DNM3: variants seen among roughly 807,000 people sequenced by gnomAD.
DNM3 encodes dynamin 3, also known as dynamin-3.
In DNM3, 47 loss-of-function variants were observed where a neutral mutation model predicts 101.6. The ratio of observed to expected loss-of-function variants is 0.46; its 90% CI spans 0.37 to 0.59. The LOEUF (loss-of-function observed/expected upper bound fraction) is 0.59. Ranked by LOEUF, DNM3 falls within the 20% of genes least tolerant of loss-of-function variation. The pLI is 0.00. For synonymous variants in DNM3, 385 were observed against 387.9 expected (o/e 0.99, Z 0.09); for missense variants, 849 against 1,085.7 (o/e 0.78, Z 3.06).
intron 1 of DNM3, among the ~76,000 whole-genome samples, chr1:171,856,783 G>T (rs1457938355): frequency 6.6e-6 from 1 of 152,128 alleles, no homozygotes; most frequent in Non-Finnish European, 1.5e-5. Flanking sequence ...GGGTTTTCTA[G>T]ATATCAAATC....
intron 11 of DNM3, 67 bp from the exon 12 acceptor site, chr1:172,081,765 T>C: frequency 1.6e-6 from 2 of 1,277,346 alleles, no homozygotes; most frequent in East Asian, 2.4e-5. Flanking sequence ...TTGTGGGCAA[T>C]TACTGAATTT....
intron 2 of DNM3, among the ~76,000 whole-genome samples, chr1:171,938,522 G>A (rs552150838): frequency 3.9e-4 from 59 of 152,304 alleles, no homozygotes; most frequent in African/African-American, 1.4e-3. Context: ...GGAGGAGTTG[G>A]ATAATGAGAA....
chr1:172,127,658 C>T (rs11589349), intron 13 of DNM3, among the ~76,000 whole-genome samples: 33,307 of 151,818 alleles, frequency 0.22, 4,505 homozygotes, highest in Non-Finnish European at 0.31. Flanking sequence ...ATACACCCAC[C>T]TCAGCCTCCC....
intron 14 of DNM3, among the ~76,000 whole-genome samples, chr1:172,217,393 G>T (rs1449423897): frequency 6.6e-6 from 1 of 152,134 alleles, no homozygotes; most frequent in Non-Finnish European, 1.5e-5. Context: ...CCAACCAATT[G>T]TGTTCAGTCC....
intron 17 of DNM3, among the ~76,000 whole-genome samples, chr1:172,367,011 C>T (rs1418144547): frequency 1.3e-5 from 2 of 151,476 alleles, no homozygotes; most frequent in Admixed American, 6.6e-5. Context: ...ACTCAAAACC[C>T]CAAATATATT....
At chr1:171,977,997 C>G (rs1392097670) in intron 2 of DNM3, among the ~76,000 whole-genome samples, 1 of 152,152 alleles carries the variant, frequency 6.6e-6, no homozygotes, top group Non-Finnish European at 1.5e-5. Flanking sequence ...TATTTATAAT[C>G]ATTTTTTTTC....
In DNM3 at chr1:172,125,295, C is replaced by G. The variant is rs2056561641; in HGVS notation, c.1546-5880C>G. ...AGTGAGATCAAGGTCAAACCCCCTG[C>G]TCACAGGGTTCAAGACCTTGGCCAC... On this transcript the variant is annotated intron_variant, in intron 13 of 20. Transcript: ENST00000627582. 2.0e-5 allele frequency among the ~76,000 whole-genome samples: 3 copies of G among 152,170 alleles called. No homozygotes were observed. In the South Asian group the frequency reaches 6.2e-4, roughly 32 times the overall value.
chr1:172,181,820 T>TC (rs760192142), intron 14 of DNM3, among the ~76,000 whole-genome samples: 173 of 145,812 alleles, frequency 1.2e-3, no homozygotes, highest in African/African-American at 3.5e-3. Flanking sequence ...TTTTTTTTTT[T>TC]GAAAATAAAC....
At chr1:171,919,157 AT>A (rs912727774) in intron 1 of DNM3, among the ~76,000 whole-genome samples, 1 of 150,678 alleles carries the variant, frequency 6.6e-6, no homozygotes, top group African/African-American at 2.4e-5. Context: ...CCTGACTTAA[AT>A]TTTTTTTATT....
Position 172,333,975 on chromosome 1 carries a change from G to C in DNM3, c.1893+10635G>C, listed in dbSNP as rs1289161143. ...AAATTTTCTCATTTTATATCACAAG[G>C]GCTTTAAAGAGAGTTGGTGACACTT... On this transcript the variant is annotated intron_variant, in intron 17 of 20. Coordinates refer to ENST00000627582, the MANE Select transcript of DNM3 (RefSeq NM_015569.5). Among the ~76,000 whole-genome samples, 4 of 151,968 alleles carry C rather than the reference G, an allele frequency of 2.6e-5. 1 individual carries two copies. Among genetic ancestry groups the C allele is most frequent in the African/African-American group, 9.7e-5 (4 of 41,362 alleles).
At chr1:172,386,554 G>T (rs1040936635) in intron 18 of DNM3, among the ~76,000 whole-genome samples, 1 of 152,130 alleles carries the variant, frequency 6.6e-6, no homozygotes, top group African/African-American at 2.4e-5. Context: ...TCTTTCACTT[G>T]TTTATAAATC....
chr1:172,206,958 T>C (rs560678088), intron 14 of DNM3, among the ~76,000 whole-genome samples: 20 of 152,202 alleles, frequency 1.3e-4, no homozygotes, highest in African/African-American at 4.1e-4. Flanking sequence ...ATCACATTTC[T>C]CTTTGTCCAT....
At chr1:172,044,926 C>T (rs1348740634) in intron 9 of DNM3, among the ~76,000 whole-genome samples, 2 of 152,070 alleles carry the variant, frequency 1.3e-5, no homozygotes, top group Non-Finnish European at 2.9e-5. Context: ...TGCATGTGTG[C>T]TTGCACATGT....
At chr1:172,315,403 G>T (rs945540034) in intron 16 of DNM3, among the ~76,000 whole-genome samples, 1 of 152,240 alleles carries the variant, frequency 6.6e-6, no homozygotes, top group Non-Finnish European at 1.5e-5. Flanking sequence ...ACTTTGACGA[G>T]TTGAGAGAAG....
At chr1:172,198,476 T>C (rs2060034675) in intron 14 of DNM3, among the ~76,000 whole-genome samples, 2 of 152,026 alleles carry the variant, frequency 1.3e-5, no homozygotes, top group South Asian at 4.1e-4. Context: ...GAATGGTATC[T>C]GTAGGAATGG....
intron 6 of DNM3, among the ~76,000 whole-genome samples, chr1:172,035,090 C>T (rs538260427): frequency 4.6e-5 from 7 of 151,964 alleles, no homozygotes; most frequent in African/African-American, 1.2e-4. Context: ...AAAAAAGGGG[C>T]GGGTTTGAGA....
intron 1 of DNM3, among the ~76,000 whole-genome samples, chr1:171,855,933 A>G (rs181597123): frequency 1.6e-3 from 237 of 152,228 alleles, no homozygotes; most frequent in African/African-American, 5.6e-3. Flanking sequence ...TTTGTTATGA[A>G]GTCTGCCCAT....
chr1:171,905,581 G>A (rs2038753117), intron 1 of DNM3, among the ~76,000 whole-genome samples: 1 of 152,032 alleles, frequency 6.6e-6, no homozygotes, highest in African/African-American at 2.4e-5. Flanking sequence ...TTTCTTTTTC[G>A]GTATATGTGG....
At chr1:172,283,886 T>C (rs370173975) in intron 15 of DNM3, among the ~76,000 whole-genome samples, 5 of 152,078 alleles carry the variant, frequency 3.3e-5, no homozygotes, top group African/African-American at 1.2e-4. Context: ...AGGAAAGTGC[T>C]ATGTTGTCTC....
Sources: allele counts gnomAD v4.1 joint callset (sites outside exome capture counted in the v4.1 genomes callset), GRCh38; gene constraint gnomAD v4.1.1; transcripts MANE v1.5; gene names NCBI Gene and HGNC (gene_info 2026-07-23, HGNC 2026-07-21).